EXOC4: variants seen among roughly 807,000 people sequenced by gnomAD.
EXOC4 encodes the protein exocyst complex component 4, also known as SEC8-like 1.
A neutral mutation model predicts 107.2 loss-of-function variants in EXOC4; 71 were observed. The observed-to-expected ratio is 0.66, with a 90% CI of 0.55 to 0.81. The LOEUF (loss-of-function observed/expected upper bound fraction) is 0.81. Among genes scored for constraint, EXOC4 ranks in the 30% least tolerant of loss-of-function variants. The pLI, the probability that EXOC4 is intolerant of heterozygous loss-of-function variation, is 0.00. For missense variants in EXOC4, 1,108 were observed against 1,189.6 expected, an observed-to-expected ratio of 0.93 and a Z score of 1.01; for synonymous variants, 456 against 441.2, an observed-to-expected ratio of 1.03 and a Z score of -0.42.
chr7:133,744,919 GT>G (rs1253288644), intron 10 of EXOC4, among the ~76,000 whole-genome samples: 2 of 152,094 alleles, frequency 1.3e-5, no homozygotes, highest in African/African-American at 4.8e-5. Flanking sequence ...CGTATAGAAG[GT>G]TCTAGCTGAT....
intron 5 of EXOC4, among the ~76,000 whole-genome samples, chr7:133,318,169 T>C (rs1329273642): frequency 6.6e-6 from 1 of 152,238 alleles, no homozygotes; most frequent in East Asian, 1.9e-4. Context: ...TGTGCACTCA[T>C]AGTCGTACCT....
the EXOC4 span, among the ~76,000 whole-genome samples, chr7:134,099,025 A>G: frequency 6.6e-6 from 1 of 152,140 alleles, no homozygotes; most frequent in East Asian, 1.9e-4. Flanking sequence ...GGCTTGGCCT[A>G]AAGGATGGTG....
chr7:133,726,705 TA>T (rs1795222190), intron 10 of EXOC4, among the ~76,000 whole-genome samples: 1 of 152,214 alleles, frequency 6.6e-6, no homozygotes, highest in Non-Finnish European at 1.5e-5. Context: ...TGCCCTCTCC[TA>T]AATGAGTACT....
At chr7:133,526,038 G>C (rs1207949766) in intron 9 of EXOC4, among the ~76,000 whole-genome samples, 1 of 152,168 alleles carries the variant, frequency 6.6e-6, no homozygotes, top group Non-Finnish European at 1.5e-5. Flanking sequence ...CTAAAGGGCT[G>C]AGTTCCCCAA....
At chr7:133,792,000 G>A (rs1489386499) in intron 10 of EXOC4, among the ~76,000 whole-genome samples, 2 of 152,174 alleles carry the variant, frequency 1.3e-5, no homozygotes, top group African/African-American at 4.8e-5. Context: ...AGGGAGTTTT[G>A]TGGTTTAGGG....
chr7:133,907,347 AT>A (rs1455184653), intron 12 of EXOC4, among the ~76,000 whole-genome samples: 1 of 150,088 alleles, frequency 6.7e-6, no homozygotes, highest in South Asian at 2.1e-4. Flanking sequence ...ATATTATTTC[AT>A]TAGTTATTGG....
chr7:134,051,620 C>A (rs919551803), intron 17 of EXOC4, among the ~76,000 whole-genome samples: 3 of 148,392 alleles, frequency 2.0e-5, no homozygotes, highest in Non-Finnish European at 3.0e-5. Context: ...TGCAGTGAGC[C>A]GAGATCGCGC....
At chr7:134,083,124 A>G in the EXOC4 span, among the ~76,000 whole-genome samples, 1 of 152,134 alleles carries the variant, frequency 6.6e-6, no homozygotes, top group African/African-American at 2.4e-5. Flanking sequence ...TCCCTTCTAG[A>G]TACATATTTG....
chr7:133,761,401 G>C (rs887227216), intron 10 of EXOC4, among the ~76,000 whole-genome samples: 3 of 152,078 alleles, frequency 2.0e-5, no homozygotes, highest in African/African-American at 7.2e-5. Flanking sequence ...TGAAAGGTTT[G>C]CTGAATCTCT....
the EXOC4 span, among the ~76,000 whole-genome samples, chr7:134,083,169 A>C: frequency 6.6e-6 from 1 of 152,194 alleles, no homozygotes; most frequent in East Asian, 1.9e-4. Flanking sequence ...ATTCACCAAG[A>C]GGACAAGGGA....
Position 133,443,431 on chromosome 7 carries a change from A to G in EXOC4, c.1183-31897A>G, listed in dbSNP as rs141744497. Among the ~76,000 whole-genome samples, 936 of 152,264 alleles carry G rather than the reference A, an allele frequency of 6.1e-3. 3 individuals are homozygous for G. Among genetic ancestry groups the G allele is most frequent in the Middle Eastern group, 0.01 (3 of 294 alleles). On this transcript the variant is annotated intron_variant, in intron 7 of 17. Transcript: ENST00000253861. ...ACTGGATAGCCTTGGATGGAGTCAGAAATCAGCCTGTAGATCTGTGAAATG... is the reference window on the plus strand; with the variant it reads ...ACTGGATAGCCTTGGATGGAGTCAGGAATCAGCCTGTAGATCTGTGAAATG...
At chr7:133,542,454 A>G (rs535287952) in intron 9 of EXOC4, among the ~76,000 whole-genome samples, 1 of 152,284 alleles carries the variant, frequency 6.6e-6, no homozygotes, top group Admixed American at 6.5e-5. Context: ...TTTATGACCT[A>G]TAGTGAAACA....
chr7:133,407,569 G>A (rs78845966), intron 7 of EXOC4, among the ~76,000 whole-genome samples: 5,240 of 152,264 alleles, frequency 0.034, 126 homozygotes, highest in Non-Finnish European at 0.053. Flanking sequence ...ATTCAAATAT[G>A]TAATGTTTAA....
intron 7 of EXOC4, among the ~76,000 whole-genome samples, chr7:133,428,966 A>G (rs1429596313): frequency 6.6e-6 from 1 of 152,192 alleles, no homozygotes; most frequent in Non-Finnish European, 1.5e-5. Flanking sequence ...AATTCTTATA[A>G]TGAGTCAGAA....
chr7:133,838,162 T>C (rs1797955160), intron 11 of EXOC4, among the ~76,000 whole-genome samples: 1 of 152,206 alleles, frequency 6.6e-6, no homozygotes, highest in Non-Finnish European at 1.5e-5. Flanking sequence ...GACAACCAAA[T>C]GGACTTGATT....
chr7:133,788,607 C>T (rs1265663224), intron 10 of EXOC4, among the ~76,000 whole-genome samples: 1 of 152,100 alleles, frequency 6.6e-6, no homozygotes, highest in African/African-American at 2.4e-5. Context: ...ATTCTCCTGC[C>T]TCAGCCTCCC....
In EXOC4 at chr7:133,658,563, A is replaced by G. The variant is rs1347100273; in HGVS notation, c.1514+28422A>G. Among the ~76,000 whole-genome samples, 5 of 152,164 alleles carry G rather than the reference A, an allele frequency of 3.3e-5. No homozygotes were observed. The South Asian group carries it at 1.0e-3, about 31-fold the overall frequency. On this transcript the variant is annotated intron_variant, in intron 10 of 17. Transcript: ENST00000253861. ...CTGCTGTCTCTTCACAGCCTGTGCT[A>G]ACTGAAATCATGAGATTGGCTATGT...
chr7:133,839,569 G>C (rs1797983972), intron 11 of EXOC4, among the ~76,000 whole-genome samples: 1 of 152,154 alleles, frequency 6.6e-6, no homozygotes, highest in Non-Finnish European at 1.5e-5. Context: ...ATGGTCATAG[G>C]AGTTGGTAGT....
At chr7:134,072,381 G>C in the EXOC4 span, among the ~76,000 whole-genome samples, 1 of 152,328 alleles carries the variant, frequency 6.6e-6, no homozygotes, top group South Asian at 2.1e-4. Context: ...TTTTGCTGCT[G>C]TTTGTGGTGG....
Sources: gnomAD v4.1 joint callset for allele counts (sites outside exome capture counted in the v4.1 genomes callset) on GRCh38, gnomAD v4.1.1 for gene constraint, MANE v1.5 for transcripts, NCBI Gene and HGNC (gene_info 2026-07-23, HGNC 2026-07-21) for gene names.